Variants in TNS4 observed in about 807,000 individuals in gnomAD.
TNS4 encodes tensin-4.
TNS4 carries 46 observed loss-of-function variants against 70.4 expected under a neutral mutation model. The ratio of observed to expected loss-of-function variants is 0.65; its 90% confidence interval spans 0.52 to 0.84. The LOEUF (loss-of-function observed/expected upper bound fraction) is 0.84, where lower values mean the gene tolerates loss of function less well. Ranked by LOEUF, TNS4 falls within the 40% of genes least tolerant of loss-of-function variation. TNS4 has a pLI of 0.00. For synonymous variants in TNS4, 390 were observed against 366.6 expected, an observed-to-expected ratio of 1.06 and a Z score of -0.73; for missense variants, 863 against 907.0, an observed-to-expected ratio of 0.95 and a Z score of 0.62.
intron 1 of TNS4, among the ~76,000 whole-genome samples, chr17:40,499,563 C>T (rs958945442): frequency 2.0e-5 from 3 of 152,258 alleles, no homozygotes; most frequent in Non-Finnish European, 2.9e-5. Flanking sequence ...GGCCCCTTCC[C>T]CTCTCCTGCC....
intron 12 of TNS4, 162 bp from the exon 13 acceptor site, chr17:40,477,891 G>C (rs2035869489): frequency 1.1e-5 from 7 of 656,532 alleles, no homozygotes; most frequent in Non-Finnish European, 1.8e-5. Context: ...CCCTGGGGAA[G>C]GAGATGCCTC....
intron 6 of TNS4, among the ~76,000 whole-genome samples, chr17:40,482,769 C>T (rs915522763): frequency 2.6e-5 from 4 of 151,604 alleles, no homozygotes; most frequent in African/African-American, 7.3e-5. Flanking sequence ...CACAGTGAGA[C>T]TCTGTCTCAC....
At chr17:40,481,625 C>T (rs574324464) in intron 8 of TNS4, among the ~76,000 whole-genome samples, 5 of 152,090 alleles carry the variant, frequency 3.3e-5, no homozygotes, top group African/African-American at 1.2e-4. Context: ...CTTGGCCTCC[C>T]GAAGTGCTGG....
chr17:40,498,807 C>T lies in TNS4; in HGVS notation c.-95-2287G>A, dbSNP rs566199705. Among the ~76,000 whole-genome samples, 106 of 152,266 alleles carry T rather than the reference C, an allele frequency of 7.0e-4. 1 individual carries two copies. In the Middle Eastern group the frequency reaches 0.027, roughly 39 times the overall value. On this transcript the variant is annotated intron_variant, in intron 1 of 12. Coordinates refer to ENST00000254051, the MANE Select transcript of TNS4 (RefSeq NM_032865.6). ...CAAGTGCTCCTCCTTCCTCGGCCTC[C>T]CAAAGTGCTAGGATTACAGGTGTGA...
intron 12 of TNS4, 92 bp from the exon 13 acceptor site, chr17:40,477,821 C>G (rs2035868635): frequency 8.1e-7 from 1 of 1,236,532 alleles, no homozygotes; most frequent in Non-Finnish European, 1.2e-6. Flanking sequence ...CAGCCTGCAT[C>G]TCATTCCTCC....
At chr17:40,499,394 G>A (rs781670824) in intron 1 of TNS4, among the ~76,000 whole-genome samples, 1 of 152,168 alleles carries the variant, frequency 6.6e-6, no homozygotes, top group East Asian at 1.9e-4. Context: ...GCCCCCGGCC[G>A]AATAAACCCC....
chr17:40,491,739 T>C (rs9303290), intron 2 of TNS4, among the ~76,000 whole-genome samples: 64,632 of 151,918 alleles, frequency 0.43, 15,270 homozygotes, highest in African/African-American at 0.64. Flanking sequence ...CTCTACCCAT[T>C]GCAGGGGTGC....
chr17:40,491,062 GA>G (rs1276251700), intron 2 of TNS4, among the ~76,000 whole-genome samples: 1 of 152,220 alleles, frequency 6.6e-6, no homozygotes, highest in Non-Finnish European at 1.5e-5. Context: ...GGCTCTGGAA[GA>G]AAAGAGATCT....
At chr17:40,494,246 T>C (rs1459810301) in intron 2 of TNS4, among the ~76,000 whole-genome samples, 2 of 152,238 alleles carry the variant, frequency 1.3e-5, no homozygotes, top group South Asian at 4.1e-4. Context: ...AGCCAAAAAA[T>C]GTAATTTCTT....
rs777981491 is a variant in TNS4, at chr17:40,487,376, G to C, written c.948C>G (p.Ser316Arg). The stretch of plus-strand genomic sequence containing the variant: ...GGGACACTGAGCCAAGGCTGTGGAG[G>C]CTGGAGGAAGAGTTGGCTGGACTTT... ...SLESPANSSS[S>R]LHSLGSVSLC... is the part of the protein sequence containing the mutation. The change falls in exon 4 of 13, where the codon AGC (serine) becomes AGG (arginine). Residue 316 changes from serine (S) to arginine (R), a missense_variant. Transcript: ENST00000254051. 2.5e-6 allele frequency: 4 copies of C among 1,614,190 alleles called. No homozygotes were observed. Among genetic ancestry groups the C allele is most frequent in the Non-Finnish European group, 3.4e-6 (4 of 1,180,020 alleles).
intron 12 of TNS4, 163 bp from the exon 13 acceptor site, chr17:40,477,892 G>C (rs894324839): frequency 1.5e-6 from 1 of 653,752 alleles, no homozygotes; most frequent in Non-Finnish European, 2.6e-6. Context: ...CCTGGGGAAG[G>C]AGATGCCTCT....
At chr17:40,495,958 C>T (rs147257924) in intron 2 of TNS4, 29 bp downstream of exon 2, 2 of 1,572,762 alleles carry the variant, frequency 1.3e-6, no homozygotes, top group African/African-American at 1.4e-5. Context: ...ACCAAGCCCC[C>T]CTCCTGGTAC....
At chr17:40,478,711 A>G in intron 10 of TNS4, 63 bp from the exon 11 acceptor site, 2 of 1,575,196 alleles carry the variant, frequency 1.3e-6, no homozygotes, top group Admixed American at 3.4e-5. Context: ...TCCTGCCTCC[A>G]GCATCTCTCG....
Position 40,496,461 on chromosome 17 carries a change from C to A in TNS4, c.-36G>T. ...GTGACCTCTGCAGTTTACCTCTGGT[C>A]TTCAACCAGCCTCACTGACATCCCA... is the stretch of plus-strand genomic sequence containing the variant. On this transcript the variant is annotated 5_prime_UTR_variant, in exon 2 of 13. Coordinates refer to ENST00000254051, the MANE Select transcript of TNS4 (RefSeq NM_032865.6). The A allele has an allele frequency of 6.3e-7, 1 of 1,581,370 alleles. No individual in the cohort carries two copies. Among genetic ancestry groups the A allele is most frequent in the Non-Finnish European group, 8.6e-7 (1 of 1,166,902 alleles).
rs754172072 is a variant in TNS4 at position 40,488,763 on chromosome 17, G to C, written c.646C>G (p.Pro216Ala). Residue 216 changes from proline (P) to alanine (A), a missense_variant, in exon 3 of 13, where the codon CCC (proline) becomes GCC (alanine). Physicochemically the swap from Pro to Ala is conservative, Grantham distance 27. Transcript: ENST00000254051. ...NQGRGHQRPL[P>A]PSEGLSPRPP... ...CGAGGGGAGAGACCCTCTGAGGGGG[G>C]CAGAGGGCGCTGGTGCCCCCTGCCC... The C allele has an allele frequency of 2.5e-6, 4 of 1,607,878 alleles. No individual in the cohort carries two copies. The South Asian group carries it at 4.4e-5, about 18-fold the overall frequency.
chr17:40,484,438 C>A, intron 6 of TNS4, 46 bp downstream of exon 6: 1 of 1,597,476 alleles, frequency 6.3e-7, no homozygotes, highest in South Asian at 1.1e-5. Context: ...TACCACACCC[C>A]GCTGCCTCAG....
In TNS4 at chr17:40,477,584, TC is replaced by T. The variant is rs768054123; in HGVS notation, c.*3del. On this transcript the variant is annotated 3_prime_UTR_variant, in exon 13 of 13. Coordinates refer to ENST00000254051, the MANE Select transcript of TNS4 (RefSeq NM_032865.6). Reference sequence around the variant, plus strand: ...GTTGGTTAGGTGCACAGGCAGTCTCTCCCCTACATCCTTTCTGCGTCCTGCA... The same window carrying T: ...GTTGGTTAGGTGCACAGGCAGTCTCTCCCTACATCCTTTCTGCGTCCTGCA... 1 of 1,613,842 alleles carries T rather than the reference TC, an allele frequency of 6.2e-7. No individual in the cohort carries two copies. Among genetic ancestry groups the T allele is most frequent in the South Asian group, 1.1e-5 (1 of 91,066 alleles).
chr17:40,478,047 C>A, intron 12 of TNS4: 2 of 609,578 alleles, frequency 3.3e-6, no homozygotes, highest in Non-Finnish European at 5.8e-6. Flanking sequence ...CAGACTGGGA[C>A]ATTCCAATAG....
At chr17:40,481,661 C>T (rs2035923282) in intron 8 of TNS4, among the ~76,000 whole-genome samples, 1 of 152,252 alleles carries the variant, frequency 6.6e-6, no homozygotes, top group Non-Finnish European at 1.5e-5. Flanking sequence ...TCACCACGCC[C>T]AGCCCTTATT....
Sources: allele counts gnomAD v4.1 joint callset (sites outside exome capture counted in the v4.1 genomes callset), GRCh38; gene constraint gnomAD v4.1.1; transcripts MANE v1.5; gene names NCBI Gene and HGNC (gene_info 2026-07-23, HGNC 2026-07-21).